RTN4RL2: variants seen among roughly 807,000 people sequenced by gnomAD.
RTN4RL2 encodes the protein reticulon-4 receptor-like 2.
A neutral mutation model predicts 27.8 loss-of-function variants in RTN4RL2; 9 were observed. The ratio of observed to expected loss-of-function variants is 0.32; its 90% CI spans 0.20 to 0.57. The LOEUF is 0.57. Among genes scored for constraint, RTN4RL2 ranks in the 20% least tolerant of loss-of-function variants. The probability of loss-of-function intolerance (pLI) is 0.90; values close to 1 mark genes in which losing one functional copy is unlikely to be tolerated. For missense variants in RTN4RL2, 436 were observed against 596.8 expected, an observed-to-expected ratio of 0.73 and a Z score of 2.81; for synonymous variants, 285 against 297.9, an observed-to-expected ratio of 0.96 and a Z score of 0.45.
intron 2 of RTN4RL2, chr11:57,468,486 G>A (rs1943542227): frequency 1.5e-6 from 2 of 1,331,556 alleles, no homozygotes; most frequent in Non-Finnish European, 2.1e-6. Flanking sequence ...ACACCCCCAT[G>A]TCTGTCTGCG....
At chr11:57,460,931 C>A in intron 1 of RTN4RL2, 35 bp downstream of exon 1, 1 of 1,343,948 alleles carries the variant, frequency 7.4e-7, no homozygotes. Context: ...CGGAGGGCAT[C>A]CTGGGGAGAG....
chr11:57,460,682 T>C lies in RTN4RL2; in HGVS notation c.-184T>C, dbSNP rs1331209183. 3.5e-6 allele frequency: 1 copy of C among 289,464 alleles called. No homozygotes were observed. Among genetic ancestry groups the C allele is most frequent in the Non-Finnish European group, 6.4e-6 (1 of 155,908 alleles). 17.9% of individuals were successfully genotyped at this position (289,464 alleles called of 1,614,324 possible). A position where few individuals can be genotyped will look rare whatever the true frequency, so the allele number is the denominator to read the frequency against. ...CCCCGCCCCGTCCCGTCGGGGCCGA[T>C]GGCTCCTCCCGAGGCCCGCAGCCCG... On this transcript the variant is annotated 5_prime_UTR_variant, in exon 1 of 3. An upstream start codon of the reference 5' UTR is lost. Transcript: ENST00000335099.
chr11:57,466,301 G>A (rs561178498), intron 1 of RTN4RL2, among the ~76,000 whole-genome samples: 65 of 152,042 alleles, frequency 4.3e-4, no homozygotes, highest in African/African-American at 1.4e-3. Flanking sequence ...CACCGCGCCC[G>A]GCCAAAAATT....
chr11:57,461,024 G>A, intron 1 of RTN4RL2, 128 bp downstream of exon 1: 1 of 522,856 alleles, frequency 1.9e-6, no homozygotes, highest in Non-Finnish European at 3.1e-6. Context: ...AAAGCTCAGC[G>A]CTGGGGCCGC....
chr11:57,471,936 G>A (rs1024040847), intron 2 of RTN4RL2, among the ~76,000 whole-genome samples: 2 of 151,968 alleles, frequency 1.3e-5, no homozygotes, highest in African/African-American at 4.8e-5. Flanking sequence ...TCGGCTCACT[G>A]CAACCTCTGC....
rs781525151 is a variant in RTN4RL2, at chr11:57,476,282, G to C, written c.634G>C (p.Gly212Arg). ...CAGCCTGGACCGGCTGCTGCTGCACGGGAACCGGCTGCAGGGCGTGCACCG... is the reference window on the plus strand; with the variant it reads ...CAGCCTGGACCGGCTGCTGCTGCACCGGAACCGGCTGCAGGGCGTGCACCG... ...LGSLDRLLLH[G>R]NRLQGVHRAA... Residue 212 changes from glycine (G) to arginine (R), a missense_variant, in exon 3 of 3, where the codon GGG (glycine) becomes CGG (arginine). Physicochemically the swap from Gly to Arg is moderately radical, Grantham distance 125. Transcript: ENST00000335099. This position sits in a 1 kb window ranked among gnomAD's most constrained non-coding sequence, Gnocchi z 8.2. The C allele has an allele frequency of 3.7e-6, 6 of 1,612,232 alleles. No individual in the cohort carries two copies. Among genetic ancestry groups the C allele is most frequent in the African/African-American group, 2.7e-5 (2 of 74,908 alleles).
chr11:57,464,935 G>A (rs1004798424), intron 1 of RTN4RL2, among the ~76,000 whole-genome samples: 2 of 152,206 alleles, frequency 1.3e-5, no homozygotes, highest in Non-Finnish European at 2.9e-5. Context: ...TGGTGTGAAC[G>A]AATGGAACAG....
At chr11:57,473,854 C>G (rs1943579084) in intron 2 of RTN4RL2, among the ~76,000 whole-genome samples, 1 of 151,936 alleles carries the variant, frequency 6.6e-6, no homozygotes, top group African/African-American at 2.4e-5. Flanking sequence ...TGGGCCAAAA[C>G]CTGGGGCTGT....
Position 57,460,689 on chromosome 11 carries a change from T to C in RTN4RL2, c.-177T>C, listed in dbSNP as rs575945448. 12 of 301,592 alleles carry C rather than the reference T, an allele frequency of 4.0e-5. No homozygotes were observed. In the South Asian group the frequency reaches 1.6e-3, roughly 41 times the overall value. 18.7% of individuals were successfully genotyped at this position (301,592 alleles called of 1,614,324 possible). ...CCGTCCCGTCGGGGCCGATGGCTCC[T>C]CCCGAGGCCCGCAGCCCGGGCGGCG... On this transcript the variant is annotated 5_prime_UTR_variant, in exon 1 of 3. Transcript: ENST00000335099.
intron 1 of RTN4RL2, among the ~76,000 whole-genome samples, chr11:57,465,821 A>G (rs1366428851): frequency 6.6e-6 from 1 of 151,354 alleles, no homozygotes; most frequent in Non-Finnish European, 1.5e-5. Flanking sequence ...AGGATGGATC[A>G]TATCCAACCT....
At position 57,476,289 on chromosome 11, in the gene RTN4RL2, G is replaced by C; in HGVS notation, c.641G>C (p.Arg214Pro). 6.2e-7 allele frequency: 1 copy of C among 1,612,162 alleles called. No individual in the cohort carries two copies. The highest frequency in any genetic ancestry group is 8.5e-7 in the Non-Finnish European group (1 of 1,179,446). Residue 214 changes from arginine to proline, a missense_variant, in exon 3 of 3, where the codon CGG becomes CCG. Coordinates refer to ENST00000335099, the MANE Select transcript of RTN4RL2 (RefSeq NM_178570.3). The surrounding 1 kb of genome is among the most constrained non-coding windows in gnomAD (Gnocchi z 8.2). ...SLDRLLLHGN[R>P]LQGVHRAAFR... ...GACCGGCTGCTGCTGCACGGGAACC[G>C]GCTGCAGGGCGTGCACCGCGCGGCC...
chr11:57,466,643 A>G (rs1165961693), intron 1 of RTN4RL2, among the ~76,000 whole-genome samples: 3 of 151,954 alleles, frequency 2.0e-5, no homozygotes, highest in Non-Finnish European at 4.4e-5. Context: ...AGAGGCTCTG[A>G]CTCTGCAAGG....
chr11:57,472,710 C>T (rs1047500889), intron 2 of RTN4RL2, among the ~76,000 whole-genome samples: 1 of 152,196 alleles, frequency 6.6e-6, no homozygotes, highest in Non-Finnish European at 1.5e-5. Context: ...TACTACTGAG[C>T]TCACAGCCCA....
In RTN4RL2 at chr11:57,476,821, G is replaced by T; in HGVS notation, c.1173G>T (p.Gln391His). 6.5e-7 allele frequency: 1 copy of T among 1,549,924 alleles called. No homozygotes were observed. The change falls in exon 3 of 3, where the codon CAG becomes CAT. Residue 391 changes from glutamine to histidine, a missense_variant. This residue lies in a region of RTN4RL2 where 60 missense variants were observed against 43.0 expected (regional missense o/e 1.40). Coordinates refer to ENST00000335099, the MANE Select transcript of RTN4RL2 (RefSeq NM_178570.3). The surrounding 1 kb of genome is among the most constrained non-coding windows in gnomAD (Gnocchi z 8.2). ...AGATGTGCCCCGGCGCTGCCTGCCA[G>T]GCGCCCCCGGACTCCCGAGGCCCTG... The part of the protein sequence containing the change: ...GEQMCPGAAC[Q>H]APPDSRGPAL...
chr11:57,470,995 G>A (rs183202064), intron 2 of RTN4RL2, among the ~76,000 whole-genome samples: 1 of 152,048 alleles, frequency 6.6e-6, no homozygotes. Flanking sequence ...CAGCACTTCG[G>A]GAGGCCAAGG....
In RTN4RL2 at chr11:57,467,554, C is replaced by G. The variant is rs1943535052; in HGVS notation, c.32-55C>G. On this transcript the variant is annotated intron_variant, in intron 1 of 2. Coordinates refer to ENST00000335099, the MANE Select transcript of RTN4RL2 (RefSeq NM_178570.3). This position sits in a 1 kb window ranked among gnomAD's most constrained non-coding sequence, Gnocchi z 5.5. ...ACCAAGTTGGGGGGCTGGCCCCCAGCTGGCACTCCTGCCCTGGAAGCCCAC... is the reference window on the plus strand; with the variant it reads ...ACCAAGTTGGGGGGCTGGCCCCCAGGTGGCACTCCTGCCCTGGAAGCCCAC... 1.3e-6 allele frequency: 2 copies of G among 1,546,648 alleles called. No individual in the cohort carries two copies. Among genetic ancestry groups the G allele is most frequent in the African/African-American group, 2.7e-5 (2 of 73,162 alleles).
intron 2 of RTN4RL2, among the ~76,000 whole-genome samples, chr11:57,474,830 G>A (rs1234747352): frequency 1.3e-5 from 2 of 152,182 alleles, no homozygotes; most frequent in East Asian, 1.9e-4. Context: ...GCCGCCCCCC[G>A]CTGTTAATTC....
chr11:57,461,624 G>A (rs1302957932), intron 1 of RTN4RL2, among the ~76,000 whole-genome samples: 1 of 151,372 alleles, frequency 6.6e-6, no homozygotes, highest in Admixed American at 6.6e-5. Flanking sequence ...GGAAGGAGAG[G>A]AAAGACCAGA....
chr11:57,476,913 T>A lies in RTN4RL2; in HGVS notation c.*2T>A, dbSNP rs770332406. The A allele has an allele frequency of 5.8e-6, 9 of 1,561,700 alleles. No individual in the cohort carries two copies. The highest frequency in any genetic ancestry group is 7.7e-6 in the Non-Finnish European group (9 of 1,162,702). On this transcript the variant is annotated 3_prime_UTR_variant, in exon 3 of 3. Transcript: ENST00000335099. The surrounding 1 kb of genome is among the most constrained non-coding windows in gnomAD (Gnocchi z 8.2). ...CTCCTGGTGCCCCACCACCTCTGAC[T>A]GCGGTGCTGAGATCGAAGAGGCCAG...
Sources: gnomAD v4.1 joint callset for allele counts (sites outside exome capture counted in the v4.1 genomes callset) on GRCh38, gnomAD v4.1.1 for gene constraint, gnomAD v4.1.1 regional missense constraint, Gnocchi (gnomAD v3.1) non-coding constraint, MANE v1.5 for transcripts, NCBI Gene and HGNC (gene_info 2026-07-23, HGNC 2026-07-21) for gene names.